The following NRF1 variants were observed in gnomAD, a reference collection of about 807,000 sequenced individuals.
The protein encoded by NRF1 is alpha palindromic-binding protein.
NRF1 carries 5 observed loss-of-function variants against 58.5 expected under a neutral mutation model. That is an observed-to-expected ratio of 0.09 (90% CI 0.04 to 0.18). NRF1 has a LOEUF of 0.18. Among genes scored for constraint, NRF1 ranks in the 10% least tolerant of loss-of-function variants. The pLI is 1.00. For synonymous variants in NRF1, 224 were observed against 246.7 expected (o/e 0.91, Z 0.86); for missense variants, 288 against 657.7 (o/e 0.44, Z 6.15).
rs564355918 is a variant in NRF1 at position 129,661,618 on chromosome 7, A to G, written c.223+4044A>G. Among the ~76,000 whole-genome samples, 325 of 150,986 alleles carry G rather than the reference A, an allele frequency of 2.2e-3. 16 individuals carry two copies. The highest frequency in any genetic ancestry group is 7.3e-3 in the African/African-American group (294 of 40,342). On this transcript the variant is annotated intron_variant, in intron 2 of 10. Coordinates refer to ENST00000393232, the MANE Select transcript of NRF1 (RefSeq NM_005011.5). Reference sequence around the variant, plus strand: ...GTCACCTTTGCTCCAGTTCCCAACAAGTTTCTTATTTCCACCTGAGACCAC... The same window carrying G: ...GTCACCTTTGCTCCAGTTCCCAACAGGTTTCTTATTTCCACCTGAGACCAC...
intron 10 of NRF1, among the ~76,000 whole-genome samples, chr7:129,730,849 C>T (rs1275054197): frequency 1.3e-5 from 2 of 151,982 alleles, no homozygotes; most frequent in African/African-American, 4.8e-5. Flanking sequence ...TGGTGGTGCA[C>T]ACCTGTAGTC....
chr7:129,663,909 G>A (rs905344749), intron 2 of NRF1, among the ~76,000 whole-genome samples: 4 of 152,192 alleles, frequency 2.6e-5, no homozygotes, highest in Admixed American at 2.6e-4. Flanking sequence ...CAGATCACCC[G>A]AGGCCAGGAG....
chr7:129,750,013 C>A (rs1250932846), intron 10 of NRF1, among the ~76,000 whole-genome samples: 1 of 151,998 alleles, frequency 6.6e-6, no homozygotes, highest in East Asian at 1.9e-4. Context: ...GGGAAGGAGC[C>A]CTGCCCTGTG....
At chr7:129,713,966 C>G (rs1395252511) in intron 8 of NRF1, among the ~76,000 whole-genome samples, 1 of 152,232 alleles carries the variant, frequency 6.6e-6, no homozygotes, top group Non-Finnish European at 1.5e-5. Context: ...GGGCCTCTCT[C>G]AGAAATGCAT....
At chr7:129,617,995 T>C (rs1197994028) in intron 1 of NRF1, among the ~76,000 whole-genome samples, 3 of 152,216 alleles carry the variant, frequency 2.0e-5, no homozygotes, top group South Asian at 2.1e-4. Flanking sequence ...AACTTTATTC[T>C]ATAGGCATTT....
chr7:129,671,322 C>A, intron 2 of NRF1, 107 bp from the exon 3 acceptor site: 1 of 625,480 alleles, frequency 1.6e-6, no homozygotes, highest in Non-Finnish European at 2.9e-6. Flanking sequence ...TATTTACCGA[C>A]AACAATATTA....
At chr7:129,619,459 C>T (rs1376453816) in intron 1 of NRF1, among the ~76,000 whole-genome samples, 27 of 61,154 alleles carry the variant, frequency 4.4e-4, no homozygotes, top group South Asian at 7.2e-4. Context: ...TATATATACA[C>T]GTGTGTGTGT....
intron 1 of NRF1, among the ~76,000 whole-genome samples, chr7:129,647,733 T>G (rs1801442236): frequency 1.3e-5 from 2 of 152,236 alleles, no homozygotes; most frequent in South Asian, 4.1e-4. Flanking sequence ...AAAGCATCAT[T>G]GTTAACTGGA....
intron 2 of NRF1, among the ~76,000 whole-genome samples, chr7:129,668,343 A>G (rs1297854255): frequency 1.3e-5 from 2 of 152,234 alleles, no homozygotes; most frequent in Non-Finnish European, 2.9e-5. Flanking sequence ...CAGTGGAGAT[A>G]TAACCTTAAT....
At chr7:129,697,549 A>G (rs1802728776) in intron 5 of NRF1, among the ~76,000 whole-genome samples, 1 of 147,644 alleles carries the variant, frequency 6.8e-6, no homozygotes, top group African/African-American at 2.5e-5. Flanking sequence ...CGCAGTCTCA[A>G]AAAAAAAAAA....
chr7:129,706,470 A>C (rs144193622), intron 5 of NRF1, among the ~76,000 whole-genome samples: 1 of 152,320 alleles, frequency 6.6e-6, no homozygotes, highest in African/African-American at 2.4e-5. Flanking sequence ...AAAACAAAAG[A>C]ACTGGACTTG....
chr7:129,634,963 T>C (rs1801136588), intron 1 of NRF1, among the ~76,000 whole-genome samples: 2 of 152,208 alleles, frequency 1.3e-5, no homozygotes, highest in African/African-American at 4.8e-5. Flanking sequence ...CTTTCTCTTT[T>C]CTTTATCTAT....
intron 10 of NRF1, among the ~76,000 whole-genome samples, chr7:129,751,123 G>T (rs905391969): frequency 6.6e-6 from 1 of 152,246 alleles, no homozygotes; most frequent in African/African-American, 2.4e-5. Flanking sequence ...CCAAGATGGG[G>T]AGGAGAGAGG....
At chr7:129,664,645 T>C (rs1801880226) in intron 2 of NRF1, among the ~76,000 whole-genome samples, 1 of 152,216 alleles carries the variant, frequency 6.6e-6, no homozygotes, top group Non-Finnish European at 1.5e-5. Flanking sequence ...TGAAGGAAGA[T>C]GGTTTTAAGA....
chr7:129,667,102 A>AT (rs527555069), intron 2 of NRF1, among the ~76,000 whole-genome samples: 25 of 152,214 alleles, frequency 1.6e-4, no homozygotes, highest in Non-Finnish European at 3.2e-4. Flanking sequence ...CTACTGGAAG[A>AT]TATACCCAGG....
intron 7 of NRF1, 55 bp from the exon 8 acceptor site, chr7:129,711,420 A>G (rs1803070235): frequency 1.5e-6 from 2 of 1,310,932 alleles, no homozygotes; most frequent in East Asian, 2.4e-5. Flanking sequence ...TTCTGAGTAA[A>G]GAGGTGGAAG....
rs184848882 is a variant in NRF1 at position 129,646,854 on chromosome 7, G to A, written c.-6-10492G>A. ...CTTGGAAGTGAGACGGAGAGAGAGA[G>A]ATAAACAGCAAGCATAACCTTGTAG... On this transcript the variant is annotated intron_variant, in intron 1 of 10. Coordinates refer to ENST00000393232, the MANE Select transcript of NRF1 (RefSeq NM_005011.5). 1.4e-3 allele frequency among the ~76,000 whole-genome samples: 217 copies of A among 152,222 alleles called. 4 individuals carry two copies. In the South Asian group the frequency reaches 0.026, roughly 18 times the overall value.
At chr7:129,738,036 A>G (rs1345584702) in intron 10 of NRF1, among the ~76,000 whole-genome samples, 1 of 152,216 alleles carries the variant, frequency 6.6e-6, no homozygotes, top group East Asian at 1.9e-4. Context: ...CCTGTAAGGT[A>G]AATGGTCTTT....
At chr7:129,729,307 G>A (rs941264803) in intron 10 of NRF1, among the ~76,000 whole-genome samples, 7 of 152,140 alleles carry the variant, frequency 4.6e-5, no homozygotes, top group Admixed American at 6.5e-5. Context: ...AACCACACCC[G>A]CTACTATTGA....
Sources: gnomAD v4.1 joint callset for allele counts (sites outside exome capture counted in the v4.1 genomes callset) on GRCh38, gnomAD v4.1.1 for gene constraint, MANE v1.5 for transcripts, NCBI Gene and HGNC (gene_info 2026-07-23, HGNC 2026-07-21) for gene names.